EXT1: variants seen among roughly 807,000 people sequenced by gnomAD.
The protein encoded by EXT1 is exostosin-1.
EXT1 carries 20 observed loss-of-function variants against 82.5 expected under a neutral mutation model. That is an observed-to-expected ratio of 0.24 (90% CI 0.17 to 0.35). The LOEUF (loss-of-function observed/expected upper bound fraction) is 0.35, where lower values mean the gene tolerates loss of function less well. Ranked by LOEUF, EXT1 falls within the 10% of genes least tolerant of loss-of-function variation. EXT1 has a pLI of 1.00. For synonymous variants in EXT1, 348 were observed against 350.8 expected (o/e 0.99, Z 0.09); for missense variants, 757 against 936.5 (o/e 0.81, Z 2.50).
intron 1 of EXT1, among the ~76,000 whole-genome samples, chr8:118,082,564 G>C (rs1172145622): frequency 6.6e-6 from 1 of 152,124 alleles, no homozygotes; most frequent in Non-Finnish European, 1.5e-5. Context: ...CAATAAGATT[G>C]AGTAATCCAA....
rs976399324 is a variant in EXT1, at chr8:118,017,053, A to G, written c.962+93032T>C. On this transcript the variant is annotated intron_variant, in intron 1 of 10. Coordinates refer to ENST00000378204, the MANE Select transcript of EXT1 (RefSeq NM_000127.3). ...CCAATGAAAGAAGGAAGGAATATGT[A>G]ACATTTAGCATCTTGTTCTCCCAGA... 2.0e-5 allele frequency among the ~76,000 whole-genome samples: 3 copies of G among 152,240 alleles called. No homozygotes were observed. The South Asian group carries it at 6.2e-4, about 32-fold the overall frequency.
At chr8:117,988,017 A>C (rs1399748036) in intron 1 of EXT1, among the ~76,000 whole-genome samples, 1 of 152,202 alleles carries the variant, frequency 6.6e-6, no homozygotes, top group Non-Finnish European at 1.5e-5. Context: ...GAGCCTGGAA[A>C]GTTGAGGCTG....
chr8:117,873,447 CTTTT>C (rs1184985472), intron 1 of EXT1, among the ~76,000 whole-genome samples: 9 of 99,706 alleles, frequency 9.0e-5, no homozygotes, highest in South Asian at 3.4e-4. Flanking sequence ...TGTCCTGTGA[CTTTT>C]TTTTTTTTTT....
At chr8:117,828,695 G>A (rs1225111643) in intron 4 of EXT1, among the ~76,000 whole-genome samples, 1 of 152,114 alleles carries the variant, frequency 6.6e-6, no homozygotes, top group Non-Finnish European at 1.5e-5. Flanking sequence ...TGCTTTTGGA[G>A]GGATAAAAGT....
intron 1 of EXT1, among the ~76,000 whole-genome samples, chr8:117,957,373 T>C (rs912637654): frequency 6.6e-6 from 1 of 152,232 alleles, no homozygotes; most frequent in Non-Finnish European, 1.5e-5. Context: ...TCTAAAGAGA[T>C]GCTGGGGCCT....
At chr8:117,877,956 T>C (rs1812999139) in intron 1 of EXT1, among the ~76,000 whole-genome samples, 1 of 152,240 alleles carries the variant, frequency 6.6e-6, no homozygotes, top group African/African-American at 2.4e-5. Context: ...GTGATTTCAC[T>C]TGTGGTGTCA....
At chr8:117,976,317 T>G (rs1216625503) in intron 1 of EXT1, among the ~76,000 whole-genome samples, 1 of 152,214 alleles carries the variant, frequency 6.6e-6, no homozygotes, top group Non-Finnish European at 1.5e-5. Context: ...TACATACATA[T>G]GAGAATGTTC....
At chr8:118,035,060 T>A (rs1284677464) in intron 1 of EXT1, among the ~76,000 whole-genome samples, 1 of 152,188 alleles carries the variant, frequency 6.6e-6, no homozygotes, top group African/African-American at 2.4e-5. Context: ...AACAGAGTGT[T>A]GCAAAAGGGT....
At chr8:117,972,149 A>C (rs1045326994) in intron 1 of EXT1, among the ~76,000 whole-genome samples, 9 of 57,766 alleles carry the variant, frequency 1.6e-4, no homozygotes, top group Admixed American at 7.1e-4. Flanking sequence ...AAACTCCAAC[A>C]AAAAAAAAAA....
chr8:117,955,723 T>C (rs980322548), intron 1 of EXT1, among the ~76,000 whole-genome samples: 9 of 152,148 alleles, frequency 5.9e-5, no homozygotes, highest in South Asian at 4.1e-4. Flanking sequence ...GCCCAGCTAA[T>C]CTTCGTATTT....
At chr8:117,926,037 C>T (rs1355541022) in intron 1 of EXT1, among the ~76,000 whole-genome samples, 2 of 152,136 alleles carry the variant, frequency 1.3e-5, no homozygotes, top group African/African-American at 4.8e-5. Flanking sequence ...AGCAATTTGC[C>T]TCTAGTCTAA....
intron 1 of EXT1, among the ~76,000 whole-genome samples, chr8:118,091,316 G>A (rs1817519980): frequency 1.3e-5 from 2 of 152,158 alleles, no homozygotes; most frequent in Non-Finnish European, 2.9e-5. Context: ...ATCATCATCC[G>A]ATTTTGGTAA....
At chr8:117,919,068 T>C (rs1158362827) in intron 1 of EXT1, among the ~76,000 whole-genome samples, 1 of 152,196 alleles carries the variant, frequency 6.6e-6, no homozygotes. Context: ...GAGACCTTTG[T>C]TTTAGCCTCA....
chr8:117,864,465 C>CG (rs779703001), intron 1 of EXT1, among the ~76,000 whole-genome samples: 8 of 152,154 alleles, frequency 5.3e-5, no homozygotes, highest in Non-Finnish European at 1.0e-4. Context: ...AAAAAAAAAT[C>CG]GCGATCAGGA....
intron 3 of EXT1, among the ~76,000 whole-genome samples, chr8:117,830,763 G>C (rs764530839): frequency 6.6e-6 from 1 of 152,166 alleles, no homozygotes; most frequent in African/African-American, 2.4e-5. Context: ...GGTCACCCCA[G>C]GAACTATAAA....
At chr8:118,058,826 CTGAT>C (rs1312833888) in intron 1 of EXT1, among the ~76,000 whole-genome samples, 2 of 151,960 alleles carry the variant, frequency 1.3e-5, no homozygotes, top group Non-Finnish European at 2.9e-5. Context: ...AATGAATGGA[CTGAT>C]TGATTGATTG....
At chr8:117,957,288 G>C (rs1447699679) in intron 1 of EXT1, among the ~76,000 whole-genome samples, 1 of 152,236 alleles carries the variant, frequency 6.6e-6, no homozygotes, top group Non-Finnish European at 1.5e-5. Context: ...GAAAGCTGAG[G>C]ATTGGTTAAA....
intron 3 of EXT1, 105 bp from the exon 4 acceptor site, chr8:117,830,454 G>C (rs762949551): frequency 7.7e-7 from 1 of 1,296,688 alleles, no homozygotes; most frequent in Non-Finnish European, 1.1e-6. Flanking sequence ...ATAGCATTTG[G>C]CTTCTAGCAT....
At chr8:117,826,983 C>T (rs1395626030) in intron 4 of EXT1, among the ~76,000 whole-genome samples, 1 of 152,084 alleles carries the variant, frequency 6.6e-6, no homozygotes, top group Non-Finnish European at 1.5e-5. Context: ...CATATTCATG[C>T]AATAAACCAT....
Sources: allele counts gnomAD v4.1 joint callset (sites outside exome capture counted in the v4.1 genomes callset), GRCh38; gene constraint gnomAD v4.1.1; transcripts MANE v1.5; gene names NCBI Gene and HGNC (gene_info 2026-07-23, HGNC 2026-07-21).